DNASE1: variants seen among roughly 807,000 people sequenced by gnomAD.
DNASE1 encodes the protein deoxyribonuclease-1.
A neutral mutation model predicts 33.9 loss-of-function variants in DNASE1; 40 were observed. That is an observed-to-expected ratio of 1.18 (90% CI 0.92 to 1.54). DNASE1 has a LOEUF of 1.54. Among genes scored for constraint, DNASE1 ranks in the 40% most tolerant of loss-of-function variants. The pLI, the probability that DNASE1 is intolerant of heterozygous loss-of-function variation, is 0.00. For missense variants in DNASE1, 518 were observed against 372.6 expected (o/e 1.39, Z -3.21); for synonymous variants, 216 against 160.0 (o/e 1.35, Z -2.64).
intron 1 of DNASE1, among the ~76,000 whole-genome samples, chr16:3,630,338 C>T (rs1160181294): frequency 6.6e-6 from 1 of 152,100 alleles, no homozygotes; most frequent in Non-Finnish European, 1.5e-5. Context: ...CACGCCACCA[C>T]ACCTGGCTAA....
At chr16:3,664,032 T>C (rs947275138) in exon 10 of DNASE1, 4 of 463,166 alleles carry the variant, frequency 8.6e-6, no homozygotes, top group Non-Finnish European at 1.1e-5. Context: ...CACTGCACTC[T>C]AGCCTGGGCG....
chr16:3,663,785 C>T, exon 10 of DNASE1: 1 of 577,102 alleles, frequency 1.7e-6, no homozygotes, highest in Non-Finnish European at 3.0e-6. Context: ...TAAAGAAATC[C>T]ACATGTGGCT....
intron 1 of DNASE1, among the ~76,000 whole-genome samples, chr16:3,636,407 A>C (rs1162973782): frequency 6.6e-6 from 1 of 152,136 alleles, no homozygotes; most frequent in East Asian, 1.9e-4. Flanking sequence ...GATAATTCTA[A>C]CATCTCTGCT....
chr16:3,642,327 C>A (rs2042047072), upstream of DNASE1, among the ~76,000 whole-genome samples: 1 of 152,218 alleles, frequency 6.6e-6, no homozygotes, highest in South Asian at 2.1e-4. Flanking sequence ...CCTGTGTCAC[C>A]CGTAGTTACT....
At chr16:3,647,942 C>T (rs1018572493) in intron 1 of DNASE1, among the ~76,000 whole-genome samples, 191 of 152,018 alleles carry the variant, frequency 1.3e-3, no homozygotes, top group African/African-American at 4.1e-3. Context: ...CTGAGGCGGG[C>T]GGATCACTTG....
intron 1 of DNASE1, among the ~76,000 whole-genome samples, chr16:3,646,864 G>A (rs1171354686): frequency 3.9e-5 from 6 of 152,012 alleles, no homozygotes; most frequent in Admixed American, 3.3e-4. Context: ...GAGGGGGAGC[G>A]GGGCCTAGGA....
upstream of DNASE1, chr16:3,641,270 G>T (rs1437358744): frequency 8.2e-6 from 2 of 243,008 alleles, no homozygotes; most frequent in East Asian, 1.5e-4. Context: ...TGAGAGGTGA[G>T]AACCAGTGCC....
chr16:3,658,956 A>C (rs1236451719), downstream of DNASE1: 1 of 1,315,282 alleles, frequency 7.6e-7, no homozygotes, highest in East Asian at 2.4e-5. Context: ...TATTTAAAGA[A>C]GCACAGTAAG....
chr16:3,634,647 C>T (rs1318387040), intron 1 of DNASE1, among the ~76,000 whole-genome samples: 15 of 151,954 alleles, frequency 9.9e-5, no homozygotes, highest in Middle Eastern at 3.2e-3. Context: ...GTAGCTGAGA[C>T]GACAGGTGTG....
intron 4 of DNASE1, 136 bp downstream of exon 4, chr16:3,656,321 A>G: frequency 1.0e-6 from 1 of 975,940 alleles, no homozygotes; most frequent in Admixed American, 2.0e-5. Flanking sequence ...GTGGAGTGAA[A>G]ACACCCCAAG....
intron 1 of DNASE1, among the ~76,000 whole-genome samples, chr16:3,624,189 A>C (rs2041423810): frequency 6.6e-6 from 1 of 151,746 alleles, no homozygotes; most frequent in Non-Finnish European, 1.5e-5. Context: ...GAATCGCTTG[A>C]ACCCGGGAGG....
chr16:3,623,640 T>G (rs1170626500), intron 1 of DNASE1, among the ~76,000 whole-genome samples: 2 of 152,106 alleles, frequency 1.3e-5, no homozygotes, highest in Non-Finnish European at 2.9e-5. Context: ...AACCCATTAG[T>G]AAGTGAGCAA....
At chr16:3,613,807 G>A (rs1357635074) in intron 1 of DNASE1, among the ~76,000 whole-genome samples, 1 of 152,020 alleles carries the variant, frequency 6.6e-6, no homozygotes, top group Admixed American at 6.6e-5. Context: ...AGGCTGGAGC[G>A]CAGTGGTGTG....
Position 3,631,161 on chromosome 16 carries a change from T to C in DNASE1, c.-1358-9554T>C, listed in dbSNP as rs575467511. Among the ~76,000 whole-genome samples, 238 of 152,214 alleles carry C rather than the reference T, an allele frequency of 1.6e-3. 1 individual carries two copies. The highest frequency in any genetic ancestry group is 2.6e-3 in the Admixed American group (40 of 15,278). On this transcript the variant is annotated intron_variant and NMD_transcript_variant, in intron 1 of 11. Coordinates refer to the DNASE1 transcript ENST00000570769. ...CCTCAGCTTCCCAAGTAGCTGGGAC[T>C]ACAGGCGCATGCCATCACACCCAGC...
At chr16:3,645,627 C>T (rs981290543) in intron 1 of DNASE1, among the ~76,000 whole-genome samples, 1 of 152,168 alleles carries the variant, frequency 6.6e-6, no homozygotes, top group African/African-American at 2.4e-5. Context: ...GGTTCAGGCC[C>T]ACACCTCGTG....
chr16:3,645,762 T>G (rs1249754961), intron 1 of DNASE1, among the ~76,000 whole-genome samples: 2 of 152,192 alleles, frequency 1.3e-5, no homozygotes, highest in African/African-American at 4.8e-5. Context: ...TGATGTGTGG[T>G]GATCTGAGAA....
At chr16:3,614,142 G>C (rs1223801313) in intron 1 of DNASE1, among the ~76,000 whole-genome samples, 1 of 152,048 alleles carries the variant, frequency 6.6e-6, no homozygotes, top group East Asian at 1.9e-4. Flanking sequence ...TCGATTTCCT[G>C]ACCTCGTGAT....
At chr16:3,660,536 C>G (rs6500548), downstream of DNASE1, 120,547 of 152,012 alleles carry the variant, frequency 0.79, 48,703 homozygotes, top group East Asian at 1. Context: ...AACTAGTTTG[C>G]CACCAAAACT....
intron 1 of DNASE1, 63 bp downstream of exon 1, chr16:3,655,107 A>T (rs2042506917): frequency 3.4e-6 from 2 of 596,364 alleles, no homozygotes; most frequent in Non-Finnish European, 6.0e-6. Context: ...GGAGGCTTAG[A>T]GTCTCATCCT....
Sources: gnomAD v4.1 joint callset for allele counts (sites outside exome capture counted in the v4.1 genomes callset) on GRCh38, gnomAD v4.1.1 for gene constraint, MANE v1.5 for transcripts, NCBI Gene and HGNC (gene_info 2026-07-23, HGNC 2026-07-21) for gene names.